The following DOCK2 variants were observed in gnomAD, a reference collection of about 807,000 sequenced individuals.
DOCK2 encodes dedicator of cytokinesis 2.
Under a neutral mutation model 248.9 loss-of-function variants are expected in DOCK2, and 87 were observed. The ratio of observed to expected loss-of-function variants is 0.35; its 90% CI spans 0.29 to 0.42. The LOEUF is 0.42. DOCK2 is among the 10% of genes least tolerant of loss of function. The pLI, the probability that DOCK2 is intolerant of heterozygous loss-of-function variation, is 1.00. For missense variants in DOCK2, 1,747 were observed against 2,300.2 expected (o/e 0.76, Z 4.92); for synonymous variants, 805 against 821.6 (o/e 0.98, Z 0.35).
At chr5:169,911,885 C>T (rs989337389) in intron 27 of DOCK2, among the ~76,000 whole-genome samples, 3 of 152,168 alleles carry the variant, frequency 2.0e-5, no homozygotes, top group African/African-American at 7.2e-5. Context: ...AAATAATGCC[C>T]CACTGTCATC....
chr5:170,017,198 G>T (rs555975288), intron 32 of DOCK2, among the ~76,000 whole-genome samples: 2 of 152,020 alleles, frequency 1.3e-5, no homozygotes, highest in Non-Finnish European at 2.9e-5. Context: ...AGCTTTAATC[G>T]CAAGCAGCTG....
intron 9 of DOCK2, among the ~76,000 whole-genome samples, chr5:169,689,689 A>G (rs1760184110): frequency 6.6e-6 from 1 of 152,218 alleles, no homozygotes; most frequent in South Asian, 2.1e-4. Context: ...GATTAACCTG[A>G]GTTCCTTTCT....
At chr5:169,700,617 T>G (rs1056659143) in intron 13 of DOCK2, among the ~76,000 whole-genome samples, 5 of 152,108 alleles carry the variant, frequency 3.3e-5, no homozygotes, top group African/African-American at 1.2e-4. Flanking sequence ...ATGTTAAAAG[T>G]TCCTTTATAT....
chr5:169,721,525 A>G (rs1762203869), intron 22 of DOCK2, among the ~76,000 whole-genome samples: 1 of 152,256 alleles, frequency 6.6e-6, no homozygotes, highest in African/African-American at 2.4e-5. Flanking sequence ...AGAAGTTTCA[A>G]TGCTTTGAGA....
intron 27 of DOCK2, among the ~76,000 whole-genome samples, chr5:169,885,959 G>C (rs561293083): frequency 3.3e-5 from 5 of 152,286 alleles, no homozygotes; most frequent in Admixed American, 2.6e-4. Flanking sequence ...AGAGGAGCTA[G>C]AATTTGAACC....
rs535910871 is a variant in DOCK2 at position 170,022,816 on chromosome 5, T to A, written c.3381+3708T>A. ...TCCTGAACTCCCAGTCCCTGTCAAG[T>A]GCCTGAGATGCACGTGGTGGGCACA... On this transcript the variant is annotated intron_variant, in intron 33 of 51. Coordinates refer to ENST00000520908, the MANE Select transcript of DOCK2 (RefSeq NM_004946.3). 3.9e-5 allele frequency among the ~76,000 whole-genome samples: 6 copies of A among 152,328 alleles called. 1 individual carries two copies. In the South Asian group the frequency reaches 1.0e-3, roughly 26 times the overall value.
intron 25 of DOCK2, among the ~76,000 whole-genome samples, chr5:169,798,804 T>C (rs1476069060): frequency 6.6e-6 from 1 of 152,230 alleles, no homozygotes; most frequent in Non-Finnish European, 1.5e-5. Flanking sequence ...CAGTTAAATG[T>C]GTGAATGGGT....
chr5:169,837,081 C>T (rs1040729377), intron 26 of DOCK2, among the ~76,000 whole-genome samples: 1 of 152,158 alleles, frequency 6.6e-6, no homozygotes, highest in Non-Finnish European at 1.5e-5. Context: ...ACTCCCAGCT[C>T]ACCTTCTGCT....
At chr5:169,904,644 C>G (rs1239000375) in intron 27 of DOCK2, among the ~76,000 whole-genome samples, 1 of 152,176 alleles carries the variant, frequency 6.6e-6, no homozygotes, top group African/African-American at 2.4e-5. Flanking sequence ...CTAGTGAGGG[C>G]CCCGCAGTCC....
chr5:169,902,371 A>G (rs1454775977), intron 27 of DOCK2, among the ~76,000 whole-genome samples: 1 of 152,208 alleles, frequency 6.6e-6, no homozygotes, highest in African/African-American at 2.4e-5. Context: ...CATTTTAGAA[A>G]GCTGAGGCAC....
At chr5:169,836,928 T>C (rs1294709541) in intron 26 of DOCK2, among the ~76,000 whole-genome samples, 1 of 152,232 alleles carries the variant, frequency 6.6e-6, no homozygotes, top group Non-Finnish European at 1.5e-5. Flanking sequence ...ATATTTGGTG[T>C]GCTTTCTTAT....
intron 30 of DOCK2, among the ~76,000 whole-genome samples, chr5:170,008,229 A>ACAACAACAAC (rs752091415): frequency 2.9e-5 from 4 of 139,486 alleles, no homozygotes; most frequent in Non-Finnish European, 5.9e-5. Context: ...CAACAACAAA[A>ACAACAACAAC]AAAAAAAAAC....
At chr5:169,689,382 G>A (rs377284297) in intron 9 of DOCK2, 49 bp downstream of exon 9, 5 of 1,602,936 alleles carry the variant, frequency 3.1e-6, no homozygotes, top group African/African-American at 1.3e-5. Flanking sequence ...CCACAAAAAT[G>A]TGACCTTGGA....
chr5:170,031,925 A>G (rs1027710747), intron 34 of DOCK2, among the ~76,000 whole-genome samples: 1 of 152,330 alleles, frequency 6.6e-6, no homozygotes, highest in Admixed American at 6.5e-5. Flanking sequence ...GCAGCTGCTC[A>G]GGAACCAGCC....
intron 27 of DOCK2, among the ~76,000 whole-genome samples, chr5:169,886,995 A>G (rs1239402191): frequency 6.6e-6 from 1 of 152,198 alleles, no homozygotes; most frequent in Non-Finnish European, 1.5e-5. Flanking sequence ...CCCACTTTAT[A>G]AATGAGGGAA....
At chr5:170,029,779 T>C (rs1307672354) in intron 34 of DOCK2, among the ~76,000 whole-genome samples, 1 of 152,260 alleles carries the variant, frequency 6.6e-6, no homozygotes, top group Non-Finnish European at 1.5e-5. Context: ...CAATCCTTTT[T>C]GAATGTTTTA....
intron 22 of DOCK2, 108 bp downstream of exon 22, chr5:169,718,899 C>T (rs774967250): frequency 2.3e-5 from 32 of 1,403,172 alleles, no homozygotes; most frequent in Admixed American, 4.6e-5. Context: ...AACCAGCTGT[C>T]GATCAAAAAC....
intron 1 of DOCK2, among the ~76,000 whole-genome samples, chr5:169,645,154 T>C (rs1757385253): frequency 6.6e-6 from 1 of 152,256 alleles, no homozygotes; most frequent in Non-Finnish European, 1.5e-5. Flanking sequence ...TTTGGGTATA[T>C]ACCTAGTAAT....
At chr5:170,044,902 G>A (rs1323404929) in intron 38 of DOCK2, among the ~76,000 whole-genome samples, 1 of 151,994 alleles carries the variant, frequency 6.6e-6, no homozygotes, top group Admixed American at 6.5e-5. Flanking sequence ...CCTAGAGATT[G>A]CCAGCCTCCG....
Sources: allele counts gnomAD v4.1 joint callset (sites outside exome capture counted in the v4.1 genomes callset), GRCh38; gene constraint gnomAD v4.1.1; transcripts MANE v1.5; gene names NCBI Gene and HGNC (gene_info 2026-07-23, HGNC 2026-07-21).